GMDS: variants seen among roughly 807,000 people sequenced by gnomAD.
The protein encoded by GMDS is GDP-mannose 4,6-dehydratase, also known as GDP-mannose 4,6 dehydratase.
A neutral mutation model predicts 49.9 loss-of-function variants in GMDS; 20 were observed. The ratio of observed to expected loss-of-function variants is 0.40; its 90% confidence interval spans 0.28 to 0.58. The LOEUF (loss-of-function observed/expected upper bound fraction) is 0.58. Ranked by LOEUF, GMDS falls within the 20% of genes least tolerant of loss-of-function variation. The probability of loss-of-function intolerance (pLI) is 0.42; values close to 1 mark genes in which losing one functional copy is unlikely to be tolerated. For missense variants in GMDS, 362 were observed against 481.4 expected, an observed-to-expected ratio of 0.75 and a Z score of 2.32; for synonymous variants, 177 against 178.6, an observed-to-expected ratio of 0.99 and a Z score of 0.07.
intron 1 of GMDS, among the ~76,000 whole-genome samples, chr6:2,153,123 T>C (rs1258206083): frequency 6.6e-6 from 1 of 152,168 alleles, no homozygotes; most frequent in African/African-American, 2.4e-5. Context: ...ATTCAATAAA[T>C]TATGCTTGGA....
chr6:2,241,357 A>C (rs771506052), intron 1 of GMDS, among the ~76,000 whole-genome samples: 2 of 152,214 alleles, frequency 1.3e-5, no homozygotes, highest in Non-Finnish European at 2.9e-5. Flanking sequence ...GGAACAAGTT[A>C]AGAATTTTAG....
chr6:1,684,334 G>A (rs951201077), intron 9 of GMDS, among the ~76,000 whole-genome samples: 42 of 152,174 alleles, frequency 2.8e-4, no homozygotes, highest in Admixed American at 2.4e-3. Context: ...CAGATGAACC[G>A]TGGGCTCACT....
chr6:1,921,353 TA>T (rs1421286885), intron 7 of GMDS, among the ~76,000 whole-genome samples: 6 of 152,254 alleles, frequency 3.9e-5, no homozygotes, highest in African/African-American at 1.2e-4. Context: ...ATATGGGTGA[TA>T]CAGGTGTCTT....
intron 7 of GMDS, among the ~76,000 whole-genome samples, chr6:1,922,826 C>A (rs911162228): frequency 4.6e-5 from 7 of 152,168 alleles, no homozygotes; most frequent in Admixed American, 4.6e-4. Flanking sequence ...GAGCCATTTC[C>A]GTTGCTAAAT....
Position 2,023,553 on chromosome 6 carries a change from G to A in GMDS, c.346-62587C>T, listed in dbSNP as rs140756784. Among the ~76,000 whole-genome samples, 6 of 152,282 alleles carry A rather than the reference G, an allele frequency of 3.9e-5. No homozygotes were observed. The South Asian group carries it at 8.3e-4, about 21-fold the overall frequency. On this transcript the variant is annotated intron_variant, in intron 4 of 10. Transcript: ENST00000380815. ...ATGTGACACACAGGAGCATGTGCACGCCAAGAACTAAACACAGAATACAAA... is the reference window on the plus strand; with the variant it reads ...ATGTGACACACAGGAGCATGTGCACACCAAGAACTAAACACAGAATACAAA...
At chr6:2,199,638 G>A (rs1160629352) in intron 1 of GMDS, among the ~76,000 whole-genome samples, 1 of 152,104 alleles carries the variant, frequency 6.6e-6, no homozygotes, top group Non-Finnish European at 1.5e-5. Context: ...CAGCTCCTCT[G>A]AAGGCCTTCT....
chr6:1,970,707 G>A (rs1366448227), intron 4 of GMDS, among the ~76,000 whole-genome samples: 1 of 152,170 alleles, frequency 6.6e-6, no homozygotes, highest in African/African-American at 2.4e-5. Context: ...GTGTGGGGTG[G>A]GAGGATAGAG....
intron 7 of GMDS, among the ~76,000 whole-genome samples, chr6:1,806,687 A>G (rs973866850): frequency 2.0e-5 from 3 of 152,236 alleles, no homozygotes; most frequent in African/African-American, 7.2e-5. Flanking sequence ...ACATATCAAA[A>G]TGAGAAAGAG....
chr6:2,205,683 C>T (rs1779773508), intron 1 of GMDS, among the ~76,000 whole-genome samples: 2 of 152,178 alleles, frequency 1.3e-5, no homozygotes, highest in African/African-American at 4.8e-5. Context: ...GGAGCCACTG[C>T]ATCTCTGCTT....
rs68171156 is a variant in GMDS at position 2,243,843 on chromosome 6, C to CTTTTTTTT, written c.102+1470_102+1477dup. Among the ~76,000 whole-genome samples the CTTTTTTTT allele has an allele frequency of 2.6e-3, 149 of 58,142 alleles. 14 individuals carry two copies. The highest frequency in any genetic ancestry group is 8.3e-3 in the African/African-American group (138 of 16,652). The allele number at this position is 58,142 out of a possible 152,430, so 38.1% of individuals were successfully genotyped here. On this transcript the variant is annotated intron_variant, in intron 1 of 10. Transcript: ENST00000380815. ...ATCTGGCCAATTTCAACTTCTCCTT[C>CTTTTTTTT]TTTTTTTTTTTTTTTTTTTTTTTTT...
Position 1,624,571 on chromosome 6 carries a change from C to A in GMDS, c.988-31G>T, listed in dbSNP as rs755642497. On this transcript the variant is annotated intron_variant, in intron 9 of 10. Coordinates refer to ENST00000380815, the MANE Select transcript of GMDS (RefSeq NM_001500.4). Reference sequence around the variant, plus strand: ...GAAGAAGAGGGGGAGACGAAGCAGGCGTGGGTCGTGGGGGTGGGGGCAGCA... The same window carrying A: ...GAAGAAGAGGGGGAGACGAAGCAGGAGTGGGTCGTGGGGGTGGGGGCAGCA... The A allele has an allele frequency of 3.7e-5, 55 of 1,506,776 alleles. No individual in the cohort carries two copies. The South Asian group carries it at 5.9e-4, about 16-fold the overall frequency. The allele number at this position is 1,506,776 out of a possible 1,614,324, so 93.3% of individuals were successfully genotyped here.
intron 4 of GMDS, among the ~76,000 whole-genome samples, chr6:2,071,657 A>G (rs961055375): frequency 1.3e-5 from 2 of 151,968 alleles, no homozygotes; most frequent in African/African-American, 4.8e-5. Context: ...GCTATGAAAA[A>G]CAATGACATA....
intron 7 of GMDS, among the ~76,000 whole-genome samples, chr6:1,864,860 T>G (rs1470435494): frequency 2.0e-5 from 3 of 152,214 alleles, no homozygotes; most frequent in Admixed American, 2.0e-4. Context: ...AGACCCCAAG[T>G]GTAAAGTCAA....
intron 7 of GMDS, among the ~76,000 whole-genome samples, chr6:1,767,581 G>C (rs1444459554): frequency 6.6e-6 from 1 of 152,242 alleles, no homozygotes; most frequent in East Asian, 1.9e-4. Context: ...AGTCAAGCCA[G>C]ATGGGACTGA....
chr6:2,109,046 A>G (rs1245296035), intron 4 of GMDS, among the ~76,000 whole-genome samples: 1 of 152,246 alleles, frequency 6.6e-6, no homozygotes, highest in Non-Finnish European at 1.5e-5. Flanking sequence ...CATTTCGAAC[A>G]GCAGCTAAGG....
At chr6:2,222,080 A>G (rs145769943) in intron 1 of GMDS, among the ~76,000 whole-genome samples, 317 of 152,388 alleles carry the variant, frequency 2.1e-3, no homozygotes, top group Admixed American at 3.9e-3. Context: ...GCTCCCCTGC[A>G]TGGAGGTGAT....
rs371399475 is a variant in GMDS at position 1,936,874 on chromosome 6, C to A, written c.644-6644G>T. 8.9e-4 allele frequency among the ~76,000 whole-genome samples: 133 copies of A among 149,468 alleles called. 4 individuals are homozygous for A. In the South Asian group the frequency reaches 0.026, roughly 30 times the overall value. ...CCTAGCTACTCAGGAGGCTGAGGCA[C>A]GAAAATCATTTGAACCTGGGAGGTG... is the stretch of plus-strand genomic sequence containing the variant. On this transcript the variant is annotated intron_variant, in intron 6 of 10. Coordinates refer to ENST00000380815, the MANE Select transcript of GMDS (RefSeq NM_001500.4).
intron 6 of GMDS, among the ~76,000 whole-genome samples, chr6:1,947,262 G>T (rs1763112740): frequency 6.6e-6 from 1 of 152,140 alleles, no homozygotes; most frequent in South Asian, 2.1e-4. Context: ...TGGTACTAAG[G>T]TTCTCACCAA....
intron 7 of GMDS, among the ~76,000 whole-genome samples, chr6:1,914,888 A>T (rs929593838): frequency 6.6e-6 from 1 of 152,150 alleles, no homozygotes; most frequent in Admixed American, 6.6e-5. Flanking sequence ...CCTCTCTCCC[A>T]CACAGGCCCC....
Sources: gnomAD v4.1 joint callset for allele counts (sites outside exome capture counted in the v4.1 genomes callset) on GRCh38, gnomAD v4.1.1 for gene constraint, MANE v1.5 for transcripts, NCBI Gene and HGNC (gene_info 2026-07-23, HGNC 2026-07-21) for gene names.